Variants in PDE1C observed in about 807,000 individuals in gnomAD.
The protein encoded by PDE1C is dual specificity calcium/calmodulin-dependent 3',5'-cyclic nucleotide phosphodiesterase 1C.
Under a neutral mutation model 93.1 loss-of-function variants are expected in PDE1C, and 62 were observed. That is an observed-to-expected ratio of 0.67 (90% confidence interval 0.54 to 0.82). The LOEUF is 0.82. PDE1C is among the 40% of genes least tolerant of loss of function. PDE1C has a pLI of 0.00. For synonymous variants in PDE1C, 325 were observed against 310.1 expected (o/e 1.05, Z -0.50); for missense variants, 742 against 884.6 (o/e 0.84, Z 2.04).
intron 7 of PDE1C, among the ~76,000 whole-genome samples, chr7:31,863,054 A>G (rs1422897529): frequency 1.3e-5 from 2 of 152,170 alleles, no homozygotes; most frequent in African/African-American, 4.8e-5. Context: ...CTTTGAATTT[A>G]TAGATTACTT....
chr7:31,654,297 C>T, the PDE1C span, among the ~76,000 whole-genome samples: 27 of 152,142 alleles, frequency 1.8e-4, no homozygotes, highest in South Asian at 4.2e-4. Flanking sequence ...AGTTAACAGG[C>T]CCCCAGATGT....
Position 32,187,012 on chromosome 7 carries a change from T to C in PDE1C, c.137-17056A>G, listed in dbSNP as rs548190738. 7.2e-5 allele frequency among the ~76,000 whole-genome samples: 11 copies of C among 152,338 alleles called. No homozygotes were observed. In the South Asian group the frequency reaches 2.3e-3, roughly 32 times the overall value. On this transcript the variant is annotated intron_variant, in intron 2 of 18. Transcript: ENST00000396193. ...AGAGCTAGCTCCTTTTTATTTGTAA[T>C]TACCTGAAACATTCTTGCCTATCAT... is the stretch of plus-strand genomic sequence containing the variant.
chr7:32,012,135 G>C (rs917867663), intron 2 of PDE1C, among the ~76,000 whole-genome samples: 2 of 152,164 alleles, frequency 1.3e-5, no homozygotes, highest in Non-Finnish European at 2.9e-5. Flanking sequence ...CCTGAGGCTA[G>C]GTAATTCCTA....
chr7:31,825,564 T>C (rs1789542572), intron 12 of PDE1C, among the ~76,000 whole-genome samples: 1 of 152,154 alleles, frequency 6.6e-6, no homozygotes. Context: ...TGGAGATGTT[T>C]GAGCCGCATT....
chr7:32,121,270 G>C (rs1408614145), intron 3 of PDE1C, among the ~76,000 whole-genome samples: 1 of 152,096 alleles, frequency 6.6e-6, no homozygotes, highest in Non-Finnish European at 1.5e-5. Context: ...ATACCTGAAG[G>C]AGACAGGGAG....
At position 31,834,218 on chromosome 7, in the gene PDE1C, G is replaced by T. The variant is rs571821029; in HGVS notation, c.1203+2962C>A. 1.2e-3 allele frequency among the ~76,000 whole-genome samples: 187 copies of T among 152,354 alleles called. 1 individual carries two copies. Among genetic ancestry groups the T allele is most frequent in the African/African-American group, 4.1e-3 (169 of 41,590 alleles). On this transcript the variant is annotated intron_variant, in intron 11 of 17. Transcript: ENST00000396191. ...GTCCAGGCAGAAATTTGCTGCAGGG[G>T]CAGGGCCTTCATGGATAACCTCTGC...
intron 3 of PDE1C, among the ~76,000 whole-genome samples, chr7:32,147,690 A>C (rs1219956387): frequency 6.6e-6 from 1 of 151,952 alleles, no homozygotes; most frequent in Non-Finnish European, 1.5e-5. Flanking sequence ...GGAACTTGGA[A>C]TCTTCCTCCC....
At chr7:32,348,309 T>C (rs1467188828) in intron 1 of PDE1C, among the ~76,000 whole-genome samples, 2 of 151,858 alleles carry the variant, frequency 1.3e-5, no homozygotes, top group African/African-American at 4.8e-5. Flanking sequence ...CTTTACCCAC[T>C]TGAAGACTTT....
chr7:32,365,395 G>T (rs1335475753), intron 1 of PDE1C, among the ~76,000 whole-genome samples: 1 of 152,086 alleles, frequency 6.6e-6, no homozygotes, highest in East Asian at 1.9e-4. Context: ...AAACAGCCCA[G>T]GGACTGTCCC....
chr7:31,756,305 T>C (rs1174632813), intron 17 of PDE1C, among the ~76,000 whole-genome samples: 2 of 152,198 alleles, frequency 1.3e-5, no homozygotes, highest in African/African-American at 4.8e-5. Flanking sequence ...AATAGAACTT[T>C]ACTTCTGGAG....
intron 1 of PDE1C, among the ~76,000 whole-genome samples, chr7:32,425,295 T>C (rs2128100758): frequency 6.6e-6 from 1 of 152,288 alleles, no homozygotes; most frequent in South Asian, 2.1e-4. Context: ...ATTTCATTTT[T>C]ACAGATGATA....
At chr7:32,336,114 A>G (rs1157586022) in intron 1 of PDE1C, among the ~76,000 whole-genome samples, 2 of 152,228 alleles carry the variant, frequency 1.3e-5, no homozygotes, top group Non-Finnish European at 2.9e-5. Flanking sequence ...TATCAAGGAA[A>G]TGAGCATAGA....
At chr7:31,801,015 C>A (rs1423365794) in intron 16 of PDE1C, among the ~76,000 whole-genome samples, 1 of 150,716 alleles carries the variant, frequency 6.6e-6, no homozygotes, top group Non-Finnish European at 1.5e-5. Context: ...TTAAGAAAAT[C>A]TACACCACTA....
chr7:31,694,838 G>A, the PDE1C span, among the ~76,000 whole-genome samples: 7 of 152,192 alleles, frequency 4.6e-5, no homozygotes, highest in Admixed American at 1.3e-4. Context: ...CAAAGCTCTG[G>A]TGGGGTAATG....
intron 2 of PDE1C, among the ~76,000 whole-genome samples, chr7:31,899,899 G>A (rs906457313): frequency 2.6e-5 from 4 of 152,084 alleles, no homozygotes; most frequent in Admixed American, 1.3e-4. Flanking sequence ...AAGACATTTC[G>A]GTTGTTAACA....
At chr7:32,070,778 GT>G (rs766436486), upstream of PDE1C, 28 of 1,011,106 alleles carry the variant, frequency 2.8e-5, no homozygotes, top group Non-Finnish European at 3.2e-5. Flanking sequence ...CAGCTAAAGG[GT>G]TTGGAGGTGA....
intron 2 of PDE1C, among the ~76,000 whole-genome samples, chr7:31,910,759 C>T (rs1292314523): frequency 6.6e-6 from 1 of 152,124 alleles, no homozygotes; most frequent in East Asian, 1.9e-4. Flanking sequence ...TTCTCTGCCT[C>T]AGTTTCCTCC....
chr7:31,695,376 C>T, the PDE1C span: 1 of 1,183,154 alleles, frequency 8.5e-7, no homozygotes, highest in Admixed American at 2.4e-5. Flanking sequence ...TCACCTCTGT[C>T]CTGTCATCAA....
At chr7:31,797,009 T>G (rs1785384637) in intron 16 of PDE1C, among the ~76,000 whole-genome samples, 1 of 151,752 alleles carries the variant, frequency 6.6e-6, no homozygotes, top group Non-Finnish European at 1.5e-5. Flanking sequence ...GTGGAGAGTT[T>G]AGATACTTGT....
Sources: allele counts gnomAD v4.1 joint callset (sites outside exome capture counted in the v4.1 genomes callset), GRCh38; gene constraint gnomAD v4.1.1; transcripts MANE v1.5; gene names NCBI Gene and HGNC (gene_info 2026-07-23, HGNC 2026-07-21).